DOCK8: variants seen among roughly 807,000 people sequenced by gnomAD.
DOCK8 encodes dedicator of cytokinesis 8, also known as dedicator of cytokinesis protein 8.
Under a neutral mutation model 245.6 loss-of-function variants are expected in DOCK8, and 141 were observed. The ratio of observed to expected loss-of-function variants is 0.57; its 90% confidence interval spans 0.50 to 0.66. The LOEUF is 0.66. Ranked by LOEUF, DOCK8 falls within the 30% of genes least tolerant of loss-of-function variation. DOCK8 has a pLI of 0.00. For missense variants in DOCK8, 2,965 were observed against 2,603.4 expected, an observed-to-expected ratio of 1.14 and a Z score of -3.02; for synonymous variants, 1,168 against 970.2, an observed-to-expected ratio of 1.20 and a Z score of -3.79.
chr9:224,633 A>G (rs1380106589), intron 1 of DOCK8, among the ~76,000 whole-genome samples: 1 of 152,174 alleles, frequency 6.6e-6, no homozygotes, highest in Non-Finnish European at 1.5e-5. Flanking sequence ...TCTTTGGCAG[A>G]CCTTTTTGAG....
At chr9:261,443 T>C (rs1049216682) in intron 1 of DOCK8, among the ~76,000 whole-genome samples, 1 of 152,236 alleles carries the variant, frequency 6.6e-6, no homozygotes, top group Non-Finnish European at 1.5e-5. Context: ...TGTTGGTTTC[T>C]AGTTTAGTTC....
chr9:220,881 C>A (rs113313236), intron 1 of DOCK8: 1 of 268,138 alleles, frequency 3.7e-6, no homozygotes, highest in Non-Finnish European at 7.5e-6. Flanking sequence ...CCACCACGCC[C>A]GGCTAATTTT....
chr9:316,916 G>T, intron 6 of DOCK8, 127 bp from the exon 7 acceptor site: 2 of 757,078 alleles, frequency 2.6e-6, no homozygotes, highest in Non-Finnish European at 2.4e-6. Flanking sequence ...AAGGCAGAGT[G>T]TTAGAAAAAA....
intron 21 of DOCK8, chr9:381,234 T>C (rs1386416636): frequency 6.6e-6 from 1 of 152,262 alleles, no homozygotes; most frequent in African/African-American, 2.4e-5. Context: ...CCTCTTTTTA[T>C]GCTCTAAACA....
intron 39 of DOCK8, among the ~76,000 whole-genome samples, chr9:436,552 T>G (rs1044274972): frequency 9.9e-5 from 15 of 152,222 alleles, no homozygotes; most frequent in African/African-American, 2.4e-5. Flanking sequence ...TATTTTATAT[T>G]TATCACTTAA....
chr9:214,392 GA>G, upstream of DOCK8: 1 of 864,420 alleles, frequency 1.2e-6, no homozygotes, highest in East Asian at 2.7e-5. Context: ...CAGGAAGGAT[GA>G]TGGGCATATT....
chr9:367,099 A>C lies in DOCK8; in HGVS notation c.1680-919A>C, dbSNP rs1238642425. Among the ~76,000 whole-genome samples, 3 of 152,362 alleles carry C rather than the reference A, an allele frequency of 2.0e-5. No homozygotes were observed. In the East Asian group the frequency reaches 5.8e-4, roughly 29 times the overall value. On this transcript the variant is annotated intron_variant, in intron 14 of 47. Transcript: ENST00000432829. ...ACATGGGGATGATGACAATGATAATAGTACCAACCTATAGGATAGCTATGA... is the reference window on the plus strand; with the variant it reads ...ACATGGGGATGATGACAATGATAATCGTACCAACCTATAGGATAGCTATGA...
intron 1 of DOCK8, among the ~76,000 whole-genome samples, chr9:216,386 AT>A (rs2046752150): frequency 6.6e-6 from 1 of 151,944 alleles, no homozygotes; most frequent in Non-Finnish European, 1.5e-5. Flanking sequence ...ATTTTAAAAC[AT>A]TAGCCAGGTG....
Position 372,185 on chromosome 9 carries a change from T to C in DOCK8, c.2008T>C (p.Trp670Arg), listed in dbSNP as rs747694699. ...ASVETLLGYS[W>R]LPILLNERLQ... ...TTATTATTTACATCATCTGTTTCAGTGGCTGCCAATTCTCTTAAATGAACG... is the reference window on the plus strand; with the variant it reads ...TTATTATTTACATCATCTGTTTCAGCGGCTGCCAATTCTCTTAAATGAACG... The change falls in exon 18 of 48, where the codon TGG (tryptophan) becomes CGG (arginine). Residue 670 changes from tryptophan to arginine, a missense_variant and splice_region_variant. Trp to Arg is a moderately radical substitution (Grantham distance 101). This residue lies in a region of DOCK8 where 2,825 missense variants were observed against 2,453.5 expected (regional missense o/e 1.15). Transcript: ENST00000432829. The C allele has an allele frequency of 6.2e-7, 1 of 1,613,656 alleles. No individual in the cohort carries two copies. Among genetic ancestry groups the C allele is most frequent in the Non-Finnish European group, 8.5e-7 (1 of 1,179,660 alleles).
chr9:277,487 A>AAG (rs2048403415), intron 2 of DOCK8, among the ~76,000 whole-genome samples: 1 of 135,420 alleles, frequency 7.4e-6, no homozygotes, highest in Non-Finnish European at 1.5e-5. Flanking sequence ...AAGAGAAGAG[A>AAG]AGACATACAA....
chr9:368,389 A>G, intron 15 of DOCK8: 1 of 682,260 alleles, frequency 1.5e-6, no homozygotes, highest in South Asian at 1.6e-5. Context: ...AAAAAGTCAT[A>G]AAGTCTTTCC....
intron 28 of DOCK8, among the ~76,000 whole-genome samples, chr9:410,026 A>G (rs910039799): frequency 2.6e-5 from 4 of 152,216 alleles, no homozygotes; most frequent in Non-Finnish European, 2.9e-5. Context: ...ATGCTGCTAT[A>G]AAGACATATG....
At position 406,986 on chromosome 9, in the gene DOCK8, G is replaced by T. The variant is rs540529849; in HGVS notation, c.3447G>T (p.Leu1149=). Residue 1149 remains leucine, a synonymous_variant, in exon 28 of 48, where the codon CTG becomes CTT. Transcript: ENST00000432829. ...QDQKIASMFD[L]TSEYRQQHFL... is the part of the protein sequence containing the mutation. Reference sequence around the variant, plus strand: ...AGAAGATCGCCAGCATGTTCGATCTGACTTCCGAGTACCGCCAGCAGCACT... The same window carrying T: ...AGAAGATCGCCAGCATGTTCGATCTTACTTCCGAGTACCGCCAGCAGCACT... 6 of 1,614,116 alleles carry T rather than the reference G, an allele frequency of 3.7e-6. No homozygotes were observed. Among genetic ancestry groups the T allele is most frequent in the Middle Eastern group, 1.6e-4 (1 of 6,062 alleles).
At chr9:343,466 C>G (rs550732688) in intron 14 of DOCK8, among the ~76,000 whole-genome samples, 3 of 150,388 alleles carry the variant, frequency 2.0e-5, no homozygotes, top group African/African-American at 7.4e-5. Context: ...AATCAAGCAA[C>G]AGAGTGAGAC....
chr9:267,337 C>T (rs1294535496), intron 1 of DOCK8, among the ~76,000 whole-genome samples: 1 of 152,184 alleles, frequency 6.6e-6, no homozygotes, highest in East Asian at 1.9e-4. Context: ...CCCTGAGTAG[C>T]TGGGACTACA....
chr9:280,870 T>A (rs1236779110), intron 2 of DOCK8: 3 of 152,272 alleles, frequency 2.0e-5, no homozygotes, highest in Non-Finnish European at 4.4e-5. Context: ...TAGTTCAGCC[T>A]AGCCACGTTG....
chr9:282,520 T>G (rs1311233021), intron 2 of DOCK8, among the ~76,000 whole-genome samples: 1 of 150,288 alleles, frequency 6.7e-6, no homozygotes, highest in African/African-American at 2.5e-5. Context: ...CTGGGCTCAG[T>G]GTTTCTCCCA....
At chr9:429,495 T>C (rs1219306841) in intron 35 of DOCK8, among the ~76,000 whole-genome samples, 1 of 152,192 alleles carries the variant, frequency 6.6e-6, no homozygotes, top group Non-Finnish European at 1.5e-5. Flanking sequence ...TCTGACCCTT[T>C]TAGCTGGACA....
At chr9:401,843 C>G (rs951856084) in intron 26 of DOCK8, among the ~76,000 whole-genome samples, 6 of 152,102 alleles carry the variant, frequency 3.9e-5, no homozygotes, top group Non-Finnish European at 8.8e-5. Flanking sequence ...TAAGGGAAGT[C>G]CTGATAAGGA....
Sources: gnomAD v4.1 joint callset for allele counts (sites outside exome capture counted in the v4.1 genomes callset) on GRCh38, gnomAD v4.1.1 for gene constraint, gnomAD v4.1.1 regional missense constraint, MANE v1.5 for transcripts, NCBI Gene and HGNC (gene_info 2026-07-23, HGNC 2026-07-21) for gene names.